Variants in ARHGAP6 observed in about 807,000 individuals in gnomAD.
The protein encoded by ARHGAP6 is Rho GTPase activating protein 6.
A neutral mutation model predicts 55.7 loss-of-function variants in ARHGAP6; 16 were observed. The ratio of observed to expected loss-of-function variants is 0.29; its 90% CI spans 0.19 to 0.44. The LOEUF is 0.44. Ranked by LOEUF, ARHGAP6 falls within the 20% of genes least tolerant of loss-of-function variation. The probability of loss-of-function intolerance (pLI) is 1.00; values close to 1 mark genes in which losing one functional copy is unlikely to be tolerated. For synonymous variants in ARHGAP6, 382 were observed against 360.9 expected, an observed-to-expected ratio of 1.06 and a Z score of -0.66; for missense variants, 698 against 808.9, an observed-to-expected ratio of 0.86 and a Z score of 1.66.
intron 1 of ARHGAP6, among the ~76,000 whole-genome samples, chrX:11,391,624 T>C (rs2049407441): frequency 8.9e-6 from 1 of 112,356 alleles, no homozygotes; most frequent in Admixed American, 9.4e-5. Context: ...GTCAGTGGTC[T>C]TCAAGTTTTG....
intron 10 of ARHGAP6, among the ~76,000 whole-genome samples, 199 bp downstream of exon 10, chrX:11,156,330 G>A (rs947319883): frequency 5.3e-5 from 6 of 112,530 alleles, no homozygotes; most frequent in African/African-American, 1.9e-4. Context: ...ATCTTGTAAT[G>A]TGGTTTCTAA....
intron 5 of ARHGAP6, 134 bp from the exon 6 acceptor site, chrX:11,182,252 G>T (rs1022838177): frequency 2.0e-5 from 8 of 407,557 alleles, no homozygotes; most frequent in Non-Finnish European, 2.9e-5. Flanking sequence ...ATACAGTAAT[G>T]CTTCTTTCAT....
intron 1 of ARHGAP6, among the ~76,000 whole-genome samples, chrX:11,324,212 A>G (rs1182050925): frequency 1.8e-5 from 2 of 112,201 alleles, no homozygotes; most frequent in Admixed American, 9.4e-5. Context: ...AAAGAATTGT[A>G]ACAGGAAATA....
intron 1 of ARHGAP6, among the ~76,000 whole-genome samples, chrX:11,281,813 G>T: frequency 9.0e-6 from 1 of 111,628 alleles, no homozygotes; most frequent in Admixed American, 9.5e-5. Context: ...TATTATGTTT[G>T]TACTGAGGGG....
At chrX:11,189,825 A>T (rs2046431512) in intron 3 of ARHGAP6, among the ~76,000 whole-genome samples, 1 of 112,438 alleles carries the variant, frequency 8.9e-6, no homozygotes, top group Non-Finnish European at 1.9e-5. Context: ...CTGTTTGTAT[A>T]CATGTACCTT....
chrX:11,349,949 C>A (rs1449517044), intron 1 of ARHGAP6, among the ~76,000 whole-genome samples: 2 of 111,883 alleles, frequency 1.8e-5, no homozygotes, highest in Non-Finnish European at 3.8e-5. Flanking sequence ...AGAGGACTTC[C>A]CAAACTTCAG....
chrX:11,603,166 A>G (rs952715803), intron 1 of ARHGAP6, among the ~76,000 whole-genome samples: 3 of 111,455 alleles, frequency 2.7e-5, no homozygotes, highest in Non-Finnish European at 3.8e-5. Flanking sequence ...ATTCCATCTC[A>G]CCGGTAGTGG....
chrX:11,359,629 A>G lies in ARHGAP6; in HGVS notation c.589-104922T>C, dbSNP rs781419797. ...GCCAGAGCAAACACATTCAAAAGCT[A>G]GCAGAAGGCAAGAAATAACTAAAAT... is the stretch of plus-strand genomic sequence containing the variant. On this transcript the variant is annotated intron_variant, in intron 1 of 12. Coordinates refer to ENST00000337414, the MANE Select transcript of ARHGAP6 (RefSeq NM_013427.3). Among the ~76,000 whole-genome samples, 196 of 112,206 alleles carry G rather than the reference A, an allele frequency of 1.7e-3. 1 individual carries two copies. Among genetic ancestry groups the G allele is most frequent in the African/African-American group, 6.1e-3 (188 of 30,937 alleles).
chrX:11,435,918 C>T (rs1319122791), intron 1 of ARHGAP6, among the ~76,000 whole-genome samples: 1 of 111,934 alleles, frequency 8.9e-6, no homozygotes, highest in Non-Finnish European at 1.9e-5. Context: ...AAGTTTTCTC[C>T]CCATTGTCTT....
At chrX:11,304,512 G>A (rs886414548) in intron 1 of ARHGAP6, among the ~76,000 whole-genome samples, 12 of 110,514 alleles carry the variant, frequency 1.1e-4, no homozygotes, top group African/African-American at 4.0e-4. Flanking sequence ...ACTGTTCTTT[G>A]CTGCCTCCAA....
At position 11,138,931 on chromosome X, in the gene ARHGAP6, C is replaced by G; in HGVS notation, c.2857G>C (p.Glu953Gln). The change falls in exon 13 of 13, where the codon GAG becomes CAG. Residue 953 changes from glutamate (E) to glutamine (Q), a missense_variant. Transcript: ENST00000337414. ...GDAGWLDWQR[E>Q]RWQIWELLST... ...AGGAGCTCCCAGATCTGCCAGCGCT[C>G]TCTCTGCCAGTCGAGCCAGCCAGCG... The G allele has an allele frequency of 2.5e-6, 3 of 1,190,912 alleles. No individual in the cohort carries two copies. The highest frequency in any genetic ancestry group is 3.4e-6 in the Non-Finnish European group (3 of 888,300).
intron 1 of ARHGAP6, among the ~76,000 whole-genome samples, chrX:11,410,276 G>A (rs1420566737): frequency 2.7e-5 from 3 of 112,462 alleles, no homozygotes; most frequent in Non-Finnish European, 5.6e-5. Flanking sequence ...TCCATATGAT[G>A]AAATATTATA....
Position 11,664,503 on chromosome X carries a change from G to A in ARHGAP6, c.326C>T (p.Pro109Leu), listed in dbSNP as rs1011371850. ...GCTGCCGGATGGTGACTTCTCCTGC[G>A]GGGTGCTGGGTGTGGAGAAGGACGA... ...LCSSFSTPST[P>L]QEKSPSGSFH... Residue 109 changes from proline to leucine, a missense_variant, in exon 1 of 13, where the codon CCG becomes CTG. Pro to Leu is a moderately conservative substitution (Grantham distance 98, BLOSUM62 -3). Coordinates refer to ENST00000337414, the MANE Select transcript of ARHGAP6 (RefSeq NM_013427.3). 8 of 1,206,801 alleles carry A rather than the reference G, an allele frequency of 6.6e-6. No individual in the cohort carries two copies. The highest frequency in any genetic ancestry group is 9.0e-6 in the Non-Finnish European group (8 of 892,815).
rs761375118 is a variant in ARHGAP6 at position 11,507,244 on chromosome X, G to T, written c.588+156997C>A. Reference sequence around the variant, plus strand: ...TCTGTGACCCTTCAGAAATAAGGGCGGTTATTGGCTCTTTGCAGGGGGACT... The same window carrying T: ...TCTGTGACCCTTCAGAAATAAGGGCTGTTATTGGCTCTTTGCAGGGGGACT... On this transcript the variant is annotated intron_variant, in intron 1 of 12. Transcript: ENST00000337414. 1.0e-4 allele frequency among the ~76,000 whole-genome samples: 11 copies of T among 109,760 alleles called. No individual in the cohort carries two copies. In the East Asian group the frequency reaches 3.2e-3, roughly 32 times the overall value.
chrX:11,566,522 T>C (rs1029815433), intron 1 of ARHGAP6, among the ~76,000 whole-genome samples: 5 of 112,334 alleles, frequency 4.5e-5, no homozygotes, highest in Admixed American at 9.5e-5. Flanking sequence ...TGTTAATTCA[T>C]GACAAAATAA....
At position 11,537,345 on chromosome X, in the gene ARHGAP6, G is replaced by T. The variant is rs183192898; in HGVS notation, c.588+126896C>A. 1.1e-4 allele frequency among the ~76,000 whole-genome samples: 12 copies of T among 111,915 alleles called. No individual in the cohort carries two copies. In the East Asian group the frequency reaches 2.2e-3, roughly 21 times the overall value. On this transcript the variant is annotated intron_variant, in intron 1 of 12. Transcript: ENST00000337414. ...TATCAAGTGGGCAGAGACCAAGGTTGTTGTGAACATTCTACAATGCACAGG... is the reference window on the plus strand; with the variant it reads ...TATCAAGTGGGCAGAGACCAAGGTTTTTGTGAACATTCTACAATGCACAGG...
chrX:11,590,528 G>A (rs1005807848), intron 1 of ARHGAP6, among the ~76,000 whole-genome samples: 4 of 109,384 alleles, frequency 3.7e-5, no homozygotes, highest in African/African-American at 1.3e-4. Context: ...GCTCACGCCT[G>A]TAATCCCAGC....
At chrX:11,419,233 C>A (rs1233256211) in intron 1 of ARHGAP6, among the ~76,000 whole-genome samples, 1 of 112,231 alleles carries the variant, frequency 8.9e-6, no homozygotes, top group Non-Finnish European at 1.9e-5. Context: ...CTGGGTGCTT[C>A]ACCACTCACC....
At chrX:11,264,633 T>G (rs779041553) in intron 1 of ARHGAP6, among the ~76,000 whole-genome samples, 24 of 111,769 alleles carry the variant, frequency 2.1e-4, no homozygotes, top group Admixed American at 7.6e-4. Flanking sequence ...AATCTCAGGG[T>G]TGCAAAAACT....
Sources: allele counts gnomAD v4.1 joint callset (sites outside exome capture counted in the v4.1 genomes callset), GRCh38; gene constraint gnomAD v4.1.1; transcripts MANE v1.5; gene names NCBI Gene and HGNC (gene_info 2026-07-23, HGNC 2026-07-21).